Variants in MGAM observed in about 807,000 individuals in gnomAD.
MGAM encodes alpha-1,4-glucosidase.
MGAM carries 253 observed loss-of-function variants against 358.8 expected under a neutral mutation model. The observed-to-expected ratio is 0.71, with a 90% CI of 0.64 to 0.78. MGAM has a LOEUF of 0.78. MGAM is among the 30% of genes least tolerant of loss of function. MGAM has a pLI of 0.00. For missense variants in MGAM, 3,080 were observed against 3,432.6 expected (o/e 0.90, Z 2.57); for synonymous variants, 1,105 against 1,227.1 (o/e 0.90, Z 2.08).
At position 142,055,732 on chromosome 7, in the gene MGAM, G is replaced by A. The variant is rs560707908; in HGVS notation, c.3483+6G>A. 3.0e-5 allele frequency: 49 copies of A among 1,613,542 alleles called. No homozygotes were observed. Among genetic ancestry groups the A allele is most frequent in the Non-Finnish European group, 3.6e-5 (43 of 1,179,748 alleles). ...CCCGAGACCAGCCCCCAGGGGTAAGGACAGAGCATTTGGGATCTGTGTCTC... is the reference window on the plus strand; with the variant it reads ...CCCGAGACCAGCCCCCAGGGGTAAGAACAGAGCATTTGGGATCTGTGTCTC... On this transcript the variant is annotated splice_donor_region_variant and intron_variant, in intron 28 of 70. Transcript: ENST00000475668.
Position 142,106,623 on chromosome 7 carries a change from T to C in MGAM, c.*732T>C, listed in dbSNP as rs1190355563. Reference sequence around the variant, plus strand: ...AAGAGAGTTTGGAGGTTAAAAATAATTTATTTTTGCAGTAGTGTGCTTTGA... The same window carrying C: ...AAGAGAGTTTGGAGGTTAAAAATAACTTATTTTTGCAGTAGTGTGCTTTGA... On this transcript the variant is annotated 3_prime_UTR_variant, in exon 71 of 71. Coordinates refer to ENST00000475668, the MANE Select transcript of MGAM (RefSeq NM_001365693.1). The C allele has an allele frequency of 1.3e-5, 2 of 152,242 alleles. No individual in the cohort carries two copies. Among genetic ancestry groups the C allele is most frequent in the African/African-American group, 4.8e-5 (2 of 41,472 alleles). The allele number at this position is 152,242 out of a possible 1,614,324, so 9.4% of individuals were successfully genotyped here.
chr7:142,032,479 A>G lies in MGAM; in HGVS notation c.1585-346A>G, dbSNP rs189336586. Among the ~76,000 whole-genome samples, 34 of 152,254 alleles carry G rather than the reference A, an allele frequency of 2.2e-4. No individual in the cohort carries two copies. The East Asian group carries it at 6.2e-3, about 28-fold the overall frequency. ...TCCTTTTCTCTCCACATATATGTTTATATGTATTTATATGTATATGTATTT... is the reference window on the plus strand; with the variant it reads ...TCCTTTTCTCTCCACATATATGTTTGTATGTATTTATATGTATATGTATTT... On this transcript the variant is annotated intron_variant, in intron 13 of 70. Coordinates refer to ENST00000475668, the MANE Select transcript of MGAM (RefSeq NM_001365693.1).
rs372400073 is a variant in MGAM, at chr7:142,058,314, G to C, written c.3805G>C (p.Ala1269Pro). Residue 1269 changes from alanine to proline, a missense_variant, in exon 31 of 71, where the codon GCC becomes CCC. This residue lies in a region of MGAM where 1,816 missense variants were observed against 1,840.5 expected (regional missense o/e 0.99). Coordinates refer to ENST00000475668, the MANE Select transcript of MGAM (RefSeq NM_001365693.1). ...IASLYDEMVA[A>P]QIPYDVQYSD... ...CAGCTTGTATGATGAGATGGTGGCT[G>C]CCCAGATCCCTTATGTACGTTCTCA... The C allele has an allele frequency of 6.2e-7, 1 of 1,613,720 alleles. No homozygotes were observed. The highest frequency in any genetic ancestry group is 1.3e-5 in the African/African-American group (1 of 74,898).
intron 53 of MGAM, among the ~76,000 whole-genome samples, chr7:142,083,780 T>C (rs1563207858): frequency 7.0e-6 from 1 of 143,472 alleles, no homozygotes; most frequent in Non-Finnish European, 1.6e-5. Context: ...GTGTTGGTGA[T>C]GGTGATGATA....
intron 2 of MGAM, among the ~76,000 whole-genome samples, chr7:142,006,018 A>G (rs1002493905): frequency 1.3e-5 from 2 of 152,098 alleles, no homozygotes; most frequent in Non-Finnish European, 2.9e-5. Flanking sequence ...ATAGAAATAT[A>G]GAAATAAAAA....
chr7:142,040,305 C>A, intron 20 of MGAM, 134 bp downstream of exon 20: 1 of 723,948 alleles, frequency 1.4e-6, no homozygotes. Flanking sequence ...AATTTCATAG[C>A]AGAACCTGGG....
upstream of MGAM, among the ~76,000 whole-genome samples, chr7:141,993,177 T>A (rs1185832665): frequency 6.6e-6 from 1 of 152,222 alleles, no homozygotes. Context: ...GGTTTATAAA[T>A]TTAGGTCTCT....
At position 142,038,548 on chromosome 7, in the gene MGAM, G is replaced by A. The variant is rs867908003; in HGVS notation, c.2249G>A (p.Ser750Asn). ...PLLHEFYEDN[S>N]TWDVHQQFLW... ...GTTTTCAGGTTCTACGAGGACAACAGCACTTGGGATGTGCACCAACAGTTC... is the reference window on the plus strand; with the variant it reads ...GTTTTCAGGTTCTACGAGGACAACAACACTTGGGATGTGCACCAACAGTTC... The change falls in exon 19 of 71, where the codon AGC becomes AAC. Residue 750 changes from serine to asparagine, a missense_variant. Coordinates refer to ENST00000475668, the MANE Select transcript of MGAM (RefSeq NM_001365693.1). 5 of 1,610,458 alleles carry A rather than the reference G, an allele frequency of 3.1e-6. No homozygotes were observed. The highest frequency in any genetic ancestry group is 4.2e-6 in the Non-Finnish European group (5 of 1,178,312).
chr7:142,009,446 C>T (rs533700812), intron 3 of MGAM, among the ~76,000 whole-genome samples: 1 of 152,020 alleles, frequency 6.6e-6, no homozygotes, highest in Non-Finnish European at 1.5e-5. Context: ...CAATAGCTCA[C>T]TCAAGCTGTA....
intron 7 of MGAM, among the ~76,000 whole-genome samples, chr7:142,024,593 A>G (rs1193851652): frequency 1.3e-5 from 2 of 152,102 alleles, no homozygotes; most frequent in African/African-American, 2.4e-5. Flanking sequence ...ATTCTGTTTT[A>G]ATTGGTCTGG....
rs756290315 is a variant in MGAM at position 142,065,821 on chromosome 7, T to C, written c.4760T>C (p.Ile1587Thr). ...FYPFSRNHNT[I>T]GTRRQDPVSW... The stretch of plus-strand genomic sequence containing the variant: ...CCCTTCTCAAGAAACCACAATACCA[T>C]TGGGACCAGGGTAGGACAGTGGCTT... Residue 1587 changes from isoleucine (I) to threonine (T), a missense_variant, in exon 40 of 71, where the codon ATT becomes ACT. By Grantham distance (89) the Ile-to-Thr change is moderately conservative. Transcript: ENST00000475668. 20 of 1,554,424 alleles carry C rather than the reference T, an allele frequency of 1.3e-5. 3 individuals carry two copies. The highest frequency in any genetic ancestry group is 1.5e-5 in the Non-Finnish European group (17 of 1,131,108).
intron 21 of MGAM, among the ~76,000 whole-genome samples, chr7:142,041,578 T>C (rs955580074): frequency 6.6e-6 from 1 of 151,882 alleles, no homozygotes; most frequent in Non-Finnish European, 1.5e-5. Flanking sequence ...CTTTCATTAA[T>C]AGGGTATTCA....
intron 21 of MGAM, among the ~76,000 whole-genome samples, chr7:142,045,668 A>G (rs1810199983): frequency 9.4e-6 from 1 of 106,496 alleles, no homozygotes; most frequent in South Asian, 2.7e-4. Flanking sequence ...ACAATATATG[A>G]ATATATAATA....
In MGAM at chr7:142,093,435, C is replaced by T. The variant is rs774456746; in HGVS notation, c.7057C>T (p.Leu2353=). The T allele has an allele frequency of 2.0e-6, 3 of 1,538,150 alleles. No homozygotes were observed. The highest frequency in any genetic ancestry group is 2.7e-6 in the Non-Finnish European group (3 of 1,123,434). Residue 2353 remains leucine (L), a synonymous_variant, in exon 60 of 71, where the codon CTG becomes TTG. Transcript: ENST00000475668. ...AGATTTGGAGTCCAGGGACAGGGGCCTGAGCAGCAAGACCCTGTGCATGGA... is the reference window on the plus strand; with the variant it reads ...AGATTTGGAGTCCAGGGACAGGGGCTTGAGCAGCAAGACCCTGTGCATGGA... ...MPYLESRDRG[L]SSKTLCMESQ...
intron 59 of MGAM, among the ~76,000 whole-genome samples, 196 bp from the exon 60 acceptor site, chr7:142,093,216 A>T (rs566632630): frequency 6.8e-6 from 1 of 146,498 alleles, no homozygotes; most frequent in East Asian, 2.0e-4. Flanking sequence ...TTCTTCAGTG[A>T]ACTTGATGTT....
Position 142,080,337 on chromosome 7 carries a change from G to A in MGAM, c.5848-454G>A. ...TCCCTAGTGTCTTGTGCAGTGTCAGGCAGGGATGTAGTAGGTACTCATGAA... is the reference window on the plus strand; with the variant it reads ...TCCCTAGTGTCTTGTGCAGTGTCAGACAGGGATGTAGTAGGTACTCATGAA... On this transcript the variant is annotated intron_variant, in intron 49 of 70. Coordinates refer to ENST00000475668, the MANE Select transcript of MGAM (RefSeq NM_001365693.1). Among the ~76,000 whole-genome samples, 2 of 146,338 alleles carry A rather than the reference G, an allele frequency of 1.4e-5. 1 individual carries two copies. The highest frequency in any genetic ancestry group is 3.1e-5 in the Non-Finnish European group (2 of 64,712).
chr7:142,020,873 T>A, intron 4 of MGAM, 101 bp from the exon 5 acceptor site: 1 of 832,882 alleles, frequency 1.2e-6, no homozygotes, highest in African/African-American at 1.7e-5. Context: ...ATTACAGGTG[T>A]GAACCACTGC....
intron 65 of MGAM, among the ~76,000 whole-genome samples, chr7:142,097,112 T>TA (rs1239423120): frequency 1.3e-5 from 2 of 151,332 alleles, no homozygotes; most frequent in Non-Finnish European, 2.9e-5. Context: ...TTTTTTTTTT[T>TA]ATTTTTAGTA....
chr7:142,095,858 G>C, intron 64 of MGAM, 145 bp downstream of exon 64: 5 of 1,284,488 alleles, frequency 3.9e-6, no homozygotes, highest in Non-Finnish European at 5.4e-6. Context: ...ACTCTCTTTA[G>C]CACAGTGCTA....
Sources: allele counts gnomAD v4.1 joint callset (sites outside exome capture counted in the v4.1 genomes callset), GRCh38; gene constraint gnomAD v4.1.1; regional missense constraint gnomAD v4.1.1; transcripts MANE v1.5; gene names NCBI Gene and HGNC (gene_info 2026-07-23, HGNC 2026-07-21).